DMD: variants seen among roughly 807,000 people sequenced by gnomAD.
DMD encodes the protein dystrophin.
DMD carries 63 observed loss-of-function variants against 330.1 expected under a neutral mutation model. The observed-to-expected ratio is 0.19, with a 90% confidence interval of 0.16 to 0.24. The LOEUF is 0.24. DMD is among the 10% of genes least tolerant of loss of function. The probability of loss-of-function intolerance (pLI) is 1.00; values close to 1 mark genes in which losing one functional copy is unlikely to be tolerated. For missense variants in DMD, 3,344 were observed against 2,684.1 expected (o/e 1.25, Z -5.43); for synonymous variants, 1,223 against 959.8 (o/e 1.27, Z -5.07).
In DMD at chrX:32,394,912, A is replaced by AACAAAAAC. The variant is rs1344568336; in HGVS notation, c.4234-4732_4234-4731insGTTTTTGT. The stretch of plus-strand genomic sequence containing the variant: ...TGGTCAAAGAAGAGCAAAAAACAAA[A>AACAAAAAC]AAACAAAAAAAAAAAAAAAAAGAAA... On this transcript the variant is annotated intron_variant, in intron 30 of 78. Transcript: ENST00000357033. Among the ~76,000 whole-genome samples, 144 of 36,070 alleles carry AACAAAAAC rather than the reference A, an allele frequency of 4.0e-3. 5 individuals carry two copies. The highest frequency in any genetic ancestry group is 0.012 in the African/African-American group (136 of 11,624). 31.3% of individuals were successfully genotyped at this position (36,070 alleles called of 115,157 possible). A position where few individuals can be genotyped will look rare whatever the true frequency, so the allele number is the denominator to read the frequency against.
At chrX:33,075,692 A>T (rs191525113) in intron 1 of DMD, among the ~76,000 whole-genome samples, 9 of 112,449 alleles carry the variant, frequency 8.0e-5, no homozygotes, top group African/African-American at 2.9e-4. Flanking sequence ...GCATTCAGGT[A>T]TTGAAACCAC....
chrX:32,141,283 A>C (rs1278125428), intron 44 of DMD, among the ~76,000 whole-genome samples: 3 of 107,445 alleles, frequency 2.8e-5, no homozygotes, highest in East Asian at 2.9e-4. Flanking sequence ...AAAAAAAAAA[A>C]CAAATAGCCT....
chrX:32,402,664 A>C (rs1363178110), intron 30 of DMD, among the ~76,000 whole-genome samples: 2 of 111,819 alleles, frequency 1.8e-5, no homozygotes, highest in Non-Finnish European at 3.8e-5. Flanking sequence ...AAAGAGGCTA[A>C]AATATATATT....
chrX:31,310,204 TCC>T (rs1339563928), intron 62 of DMD, among the ~76,000 whole-genome samples: 11 of 36,244 alleles, frequency 3.0e-4, no homozygotes, highest in African/African-American at 2.4e-3. Context: ...TCTCTCTCTC[TCC>T]ATATATATAT....
At chrX:33,072,199 C>G (rs1409084973) in intron 1 of DMD, among the ~76,000 whole-genome samples, 1 of 112,216 alleles carries the variant, frequency 8.9e-6, no homozygotes, top group Non-Finnish European at 1.9e-5. Context: ...AGGCGGATCA[C>G]CTGAGGTCAG....
At chrX:32,001,765 C>G (rs1391684926) in intron 44 of DMD, among the ~76,000 whole-genome samples, 2 of 111,480 alleles carry the variant, frequency 1.8e-5, no homozygotes, top group East Asian at 5.7e-4. Flanking sequence ...CATGATTTCA[C>G]TAATATTATA....
At chrX:32,864,828 A>C (rs185564775) in intron 2 of DMD, among the ~76,000 whole-genome samples, 149 of 112,187 alleles carry the variant, frequency 1.3e-3, no homozygotes, top group Non-Finnish European at 2.4e-3. Flanking sequence ...CAAAAACTTA[A>C]GGCTATATAA....
intron 30 of DMD, among the ~76,000 whole-genome samples, chrX:32,398,424 G>A (rs988682343): frequency 9.1e-6 from 1 of 110,328 alleles, no homozygotes; most frequent in African/African-American, 3.3e-5. Flanking sequence ...GAGTTTTGTG[G>A]TATATCAACA....
intron 52 of DMD, among the ~76,000 whole-genome samples, chrX:31,684,132 C>G (rs182748683): frequency 1.7e-3 from 191 of 111,757 alleles, no homozygotes; most frequent in African/African-American, 5.7e-3. Flanking sequence ...AGACCATACA[C>G]AAAATGATTT....
intron 44 of DMD, among the ~76,000 whole-genome samples, chrX:32,121,620 C>CATATATGTAT (rs2096635517): frequency 2.7e-5 from 1 of 36,420 alleles, no homozygotes; most frequent in African/African-American, 9.4e-5. Context: ...AATATGTGTG[C>CATATATGTAT]ATATATATAT....
chrX:32,611,904 G>C (rs1569305721), intron 12 of DMD, among the ~76,000 whole-genome samples: 1 of 111,900 alleles, frequency 8.9e-6, no homozygotes, highest in Non-Finnish European at 1.9e-5. Context: ...TATTTCCAAA[G>C]TAAAGATACA....
Position 32,699,159 on chromosome X carries a change from T to C in DMD, c.784A>G (p.Lys262Glu). Residue 262 changes from lysine (K) to glutamate (E), a missense_variant, in exon 8 of 79, where the codon AAA becomes GAA. Physicochemically the swap from Lys to Glu is moderately conservative, Grantham distance 56 (BLOSUM62 1). Coordinates refer to ENST00000357033, the MANE Select transcript of DMD (RefSeq NM_004006.3). The stretch of plus-strand genomic sequence containing the variant: ...TGATGTAACTGAAAATGTTCTTCTT[T>C]AGTCACTTTAGGTGGCCTTGGCAAC... Reference protein sequence around the residue: ...EMLPRPPKVTKEEHFQLHHQM... With the variant: ...EMLPRPPKVTEEEHFQLHHQM... 1.7e-6 allele frequency: 2 copies of C among 1,210,658 alleles called. No individual in the cohort carries two copies. Among genetic ancestry groups the C allele is most frequent in the Admixed American group, 2.2e-5 (1 of 45,934 alleles).
At position 32,864,363 on chromosome X, in the gene DMD, T is replaced by C. The variant is rs375012266; in HGVS notation, c.94-14543A>G. Among the ~76,000 whole-genome samples the C allele has an allele frequency of 7.5e-4, 84 of 112,481 alleles. 1 individual carries two copies. Among genetic ancestry groups the C allele is most frequent in the African/African-American group, 2.5e-3 (77 of 31,014 alleles). On this transcript the variant is annotated intron_variant, in intron 2 of 78. Coordinates refer to ENST00000357033, the MANE Select transcript of DMD (RefSeq NM_004006.3). ...TATCTACAGATCTCTACACCATTCT[T>C]TACTTTGCAACTGCTGTTTAAGCTG... is the stretch of plus-strand genomic sequence containing the variant.
At chrX:31,624,467 T>C (rs1196470623) in intron 55 of DMD, among the ~76,000 whole-genome samples, 2 of 112,319 alleles carry the variant, frequency 1.8e-5, no homozygotes, top group African/African-American at 3.2e-5. Flanking sequence ...AGAATAAATA[T>C]CTTACGAAGT....
intron 7 of DMD, among the ~76,000 whole-genome samples, chrX:32,730,389 A>C (rs1358457842): frequency 1.8e-5 from 2 of 112,070 alleles, no homozygotes; most frequent in African/African-American, 6.5e-5. Context: ...AAATGCATAG[A>C]TATGTGATCC....
At chrX:31,480,554 T>TTGTGTGTGTG (rs60621342) in intron 57 of DMD, among the ~76,000 whole-genome samples, 16 of 91,341 alleles carry the variant, frequency 1.8e-4, no homozygotes, top group African/African-American at 3.6e-4. Context: ...ATCTCCATGT[T>TTGTGTGTGTG]TGTGTGTGTG....
At chrX:31,897,012 G>A (rs1193562246) in intron 47 of DMD, among the ~76,000 whole-genome samples, 1 of 109,450 alleles carries the variant, frequency 9.1e-6, no homozygotes, top group East Asian at 2.9e-4. Context: ...ATGCTGGCGC[G>A]CTGCACCCAC....
chrX:31,925,871 C>CAAA (rs1234308714), intron 47 of DMD, among the ~76,000 whole-genome samples: 1 of 41,271 alleles, frequency 2.4e-5, no homozygotes, highest in Non-Finnish European at 4.7e-5. Context: ...AACTCTGTCT[C>CAAA]AAAAAAAAAA....
At chrX:32,244,781 G>T (rs1018716779) in intron 43 of DMD, among the ~76,000 whole-genome samples, 1 of 77,343 alleles carries the variant, frequency 1.3e-5, no homozygotes, top group African/African-American at 4.6e-5. Context: ...GTCTGTTCAT[G>T]TCCTTCGCTC....
Sources: gnomAD v4.1 joint callset for allele counts (sites outside exome capture counted in the v4.1 genomes callset) on GRCh38, gnomAD v4.1.1 for gene constraint, MANE v1.5 for transcripts, NCBI Gene and HGNC (gene_info 2026-07-23, HGNC 2026-07-21) for gene names.